ARMC3: variants seen among roughly 807,000 people sequenced by gnomAD.
The protein encoded by ARMC3 is armadillo repeat-containing protein 3.
In ARMC3, 74 loss-of-function variants were observed where a neutral mutation model predicts 90.3. That is an observed-to-expected ratio of 0.82 (90% CI 0.68 to 0.99). The LOEUF is 0.99. Among genes scored for constraint, ARMC3 ranks in the 50% least tolerant of loss-of-function variants. The probability of loss-of-function intolerance (pLI) is 0.00; values close to 1 mark genes in which losing one functional copy is unlikely to be tolerated. For missense variants in ARMC3, 958 were observed against 1,042.8 expected (o/e 0.92, Z 1.12); for synonymous variants, 334 against 361.8 (o/e 0.92, Z 0.87).
chr10:23,017,169 G>A (rs1211794724), intron 16 of ARMC3, among the ~76,000 whole-genome samples: 4 of 151,844 alleles, frequency 2.6e-5, no homozygotes, highest in African/African-American at 4.8e-5. Flanking sequence ...ATGCATGGTG[G>A]GTGCATTCAA....
intron 3 of ARMC3, chr10:22,946,807 G>A (rs1051355066): frequency 6.6e-6 from 1 of 152,166 alleles, no homozygotes; most frequent in African/African-American, 2.4e-5. Flanking sequence ...GTAGAAATGG[G>A]GAAAATAAGC....
intron 10 of ARMC3, among the ~76,000 whole-genome samples, chr10:22,983,294 A>G (rs1466219070): frequency 6.6e-6 from 1 of 152,204 alleles, no homozygotes; most frequent in African/African-American, 2.4e-5. Context: ...ATAAAATCAT[A>G]GAAAATTAGG....
At chr10:23,023,072 A>G (rs1034455246) in intron 16 of ARMC3, among the ~76,000 whole-genome samples, 3 of 152,066 alleles carry the variant, frequency 2.0e-5, no homozygotes, top group African/African-American at 4.8e-5. Flanking sequence ...TCTTGCCACA[A>G]GGGTCCTATC....
intron 8 of ARMC3, among the ~76,000 whole-genome samples, chr10:22,979,400 A>G (rs1225267014): frequency 6.6e-6 from 1 of 152,226 alleles, no homozygotes; most frequent in Non-Finnish European, 1.5e-5. Context: ...ACACAGCTGC[A>G]TTTTGAGAAC....
intron 11 of ARMC3, 55 bp from the exon 12 acceptor site, chr10:23,001,864 A>G: frequency 6.4e-7 from 1 of 1,552,994 alleles, no homozygotes; most frequent in East Asian, 2.3e-5. Flanking sequence ...TTTTAAAAGC[A>G]CAAATAGTTA....
At chr10:22,985,046 ATTTTTTTTT>A (rs535085393) in intron 10 of ARMC3, among the ~76,000 whole-genome samples, 20,705 of 83,492 alleles carry the variant, frequency 0.25, 1,871 homozygotes, top group South Asian at 0.29. Flanking sequence ...TTAATTTTTC[ATTTTTTTTT>A]TTTTTTTTTT....
At chr10:23,005,098 A>T (rs545393109) in intron 13 of ARMC3, among the ~76,000 whole-genome samples, 37 of 151,674 alleles carry the variant, frequency 2.4e-4, no homozygotes, top group African/African-American at 8.5e-4. Context: ...CTGTAGTCCC[A>T]GCTACTCCGG....
At chr10:22,937,388 A>AT (rs1360241243) in intron 2 of ARMC3, among the ~76,000 whole-genome samples, 1 of 152,186 alleles carries the variant, frequency 6.6e-6, no homozygotes, top group African/African-American at 2.4e-5. Context: ...ACACACTTAT[A>AT]TAATCAGCTT....
At chr10:22,968,966 T>C (rs531821542) in intron 8 of ARMC3, among the ~76,000 whole-genome samples, 2 of 152,344 alleles carry the variant, frequency 1.3e-5, no homozygotes, top group East Asian at 3.9e-4. Flanking sequence ...GTCAGGGATA[T>C]GAAGAACTCA....
At chr10:22,979,450 T>C (rs1836090794) in intron 8 of ARMC3, among the ~76,000 whole-genome samples, 2 of 152,212 alleles carry the variant, frequency 1.3e-5, no homozygotes, top group African/African-American at 4.8e-5. Context: ...CCTCAGTATC[T>C]ATTTAAATTA....
rs1837084907 is a variant in ARMC3, at chr10:22,998,147, G to A, written c.1176-1G>A. On this transcript the variant is annotated splice_acceptor_variant, in intron 10 of 18. Coordinates refer to ENST00000298032, the MANE Select transcript of ARMC3 (RefSeq NM_173081.5). LOFTEE classifies it high-confidence loss of function. ...CATTCATTTCTCTTTCATTTACTCA[G>A]CGCTGCTGCTGAAGCTGATGGTATT... 15 of 1,613,444 alleles carry A rather than the reference G, an allele frequency of 9.3e-6. No homozygotes were observed. The highest frequency in any genetic ancestry group is 1.3e-5 in the Non-Finnish European group (15 of 1,179,744).
intron 2 of ARMC3, among the ~76,000 whole-genome samples, chr10:22,944,519 A>G (rs1834449797): frequency 6.6e-6 from 1 of 152,076 alleles, no homozygotes; most frequent in Non-Finnish European, 1.5e-5. Flanking sequence ...CTCTCATCAT[A>G]GTATTTATTG....
intron 6 of ARMC3, chr10:22,960,580 G>A (rs375717913): frequency 2.0e-5 from 3 of 152,082 alleles, no homozygotes; most frequent in African/African-American, 7.2e-5. Flanking sequence ...ATTCCTGTGT[G>A]TTTGTGTTTT....
At chr10:23,035,606 C>G (rs1308928973) in intron 18 of ARMC3, among the ~76,000 whole-genome samples, 2 of 151,966 alleles carry the variant, frequency 1.3e-5, no homozygotes, top group African/African-American at 4.8e-5. Context: ...ACTTTCTTCC[C>G]TAGGCAGGAT....
chr10:22,928,827 T>C (rs1833813364), intron 1 of ARMC3, among the ~76,000 whole-genome samples: 1 of 152,212 alleles, frequency 6.6e-6, no homozygotes, highest in African/African-American at 2.4e-5. Context: ...AACTGAGACT[T>C]CATGAATTTA....
intron 12 of ARMC3, 124 bp from the exon 13 acceptor site, chr10:23,003,122 G>C: frequency 1.3e-6 from 1 of 758,380 alleles, no homozygotes; most frequent in Non-Finnish European, 2.0e-6. Flanking sequence ...TTATCTAAGA[G>C]GGTGGGGGAG....
At chr10:23,010,933 T>TCCTTCCTTTCCCTCCCCTCTCCTCC (rs143402814) in intron 16 of ARMC3, among the ~76,000 whole-genome samples, 2 of 42,034 alleles carry the variant, frequency 4.8e-5, no homozygotes, top group African/African-American at 1.4e-4. Flanking sequence ...CCCTCCCCCT[T>TCCTTCCTTTCCCTCCCCTCTCCTCC]CCTTCCTTTC....
At chr10:22,983,118 G>A (rs1030765815) in intron 10 of ARMC3, among the ~76,000 whole-genome samples, 3 of 151,954 alleles carry the variant, frequency 2.0e-5, no homozygotes, top group African/African-American at 7.2e-5. Flanking sequence ...TTCCAGTATG[G>A]TCACATGGTG....
intron 10 of ARMC3, among the ~76,000 whole-genome samples, chr10:22,986,110 G>GCCCCCCCCCCCCCCCCCCCC (rs147031860): frequency 9.8e-6 from 1 of 101,534 alleles, no homozygotes; most frequent in Non-Finnish European, 2.0e-5. Flanking sequence ...TGCACTGCAC[G>GCCCCCCCCCCCCCCCCCCCC]CCCCCCCCCC....
Sources: allele counts gnomAD v4.1 joint callset (sites outside exome capture counted in the v4.1 genomes callset), GRCh38; gene constraint gnomAD v4.1.1; transcripts MANE v1.5; gene names NCBI Gene and HGNC (gene_info 2026-07-23, HGNC 2026-07-21).